Variants in PTPRD observed in about 807,000 individuals in gnomAD.
The protein encoded by PTPRD is receptor-type tyrosine-protein phosphatase delta.
Under a neutral mutation model 214.5 loss-of-function variants are expected in PTPRD, and 34 were observed. That is an observed-to-expected ratio of 0.16 (90% CI 0.12 to 0.21). The LOEUF is 0.21. Ranked by LOEUF, PTPRD falls within the 10% of genes least tolerant of loss-of-function variation. The pLI is 1.00. For synonymous variants in PTPRD, 1,128 were observed against 845.7 expected (o/e 1.33, Z -5.79); for missense variants, 2,545 against 2,398.7 (o/e 1.06, Z -1.27).
rs1462584988 is a variant in PTPRD, at chr9:8,640,967, A to T, written c.65-4123T>A. ...GGCAGCCAGCCAAAGGAAAGATATG[A>T]GGTAGAGAGAAGACTAAACTTAATA... is the stretch of plus-strand genomic sequence containing the variant. On this transcript the variant is annotated intron_variant, in intron 12 of 45. Transcript: ENST00000381196. Among the ~76,000 whole-genome samples, 4 of 148,396 alleles carry T rather than the reference A, an allele frequency of 2.7e-5. 1 individual carries two copies. Among genetic ancestry groups the T allele is most frequent in the African/African-American group, 1.1e-4 (4 of 37,840 alleles).
intron 9 of PTPRD, among the ~76,000 whole-genome samples, chr9:9,315,016 A>C (rs1185529537): frequency 2.6e-5 from 4 of 152,016 alleles, no homozygotes; most frequent in Non-Finnish European, 5.9e-5. Context: ...AATATTTATA[A>C]TACAACTCAC....
intron 5 of PTPRD, among the ~76,000 whole-genome samples, chr9:9,808,814 C>T (rs527798638): frequency 4.5e-4 from 69 of 152,118 alleles, no homozygotes; most frequent in Non-Finnish European, 6.8e-4. Context: ...CTTTGTTTTA[C>T]AGGCTAGAAC....
intron 11 of PTPRD, among the ~76,000 whole-genome samples, chr9:8,977,341 T>C (rs529059525): frequency 6.6e-6 from 1 of 152,216 alleles, no homozygotes; most frequent in African/African-American, 2.4e-5. Flanking sequence ...GCTTCCAAGA[T>C]CTCTTAAAGT....
At chr9:9,699,897 C>T (rs1442429804) in intron 7 of PTPRD, among the ~76,000 whole-genome samples, 1 of 152,104 alleles carries the variant, frequency 6.6e-6, no homozygotes, top group Non-Finnish European at 1.5e-5. Context: ...AATGTTTTTC[C>T]CTTTTTGTGA....
chr9:8,954,726 T>C (rs2099122233), intron 11 of PTPRD, among the ~76,000 whole-genome samples: 1 of 151,836 alleles, frequency 6.6e-6, no homozygotes, highest in South Asian at 2.1e-4. Flanking sequence ...TTGCTTTCTG[T>C]TTTCTTGGGC....
At chr9:8,329,766 G>T (rs892160422) in intron 44 of PTPRD, among the ~76,000 whole-genome samples, 14 of 152,108 alleles carry the variant, frequency 9.2e-5, no homozygotes, top group African/African-American at 3.4e-4. Context: ...AGCTGCAGTG[G>T]ACTCAGCCCT....
intron 12 of PTPRD, among the ~76,000 whole-genome samples, chr9:8,708,178 C>T (rs78847716): frequency 0.02 from 3,019 of 152,090 alleles, 94 homozygotes; most frequent in African/African-American, 0.059. Context: ...GAGAGTATAC[C>T]ATGTCTCAGC....
chr9:9,948,574 G>A (rs1390095588), intron 4 of PTPRD, among the ~76,000 whole-genome samples: 1 of 152,056 alleles, frequency 6.6e-6, no homozygotes, highest in South Asian at 2.1e-4. Flanking sequence ...ACTCTTTAGT[G>A]ATTGGCTTAT....
chr9:9,484,827 G>C (rs1214707001), intron 8 of PTPRD, among the ~76,000 whole-genome samples: 1 of 152,050 alleles, frequency 6.6e-6, no homozygotes, highest in African/African-American at 2.4e-5. Flanking sequence ...CTTCCTATTA[G>C]GTCTCTATAT....
At chr9:8,709,058 A>C (rs1184160677) in intron 12 of PTPRD, among the ~76,000 whole-genome samples, 1 of 152,090 alleles carries the variant, frequency 6.6e-6, no homozygotes, top group Non-Finnish European at 1.5e-5. Context: ...GATTTCATAG[A>C]AGTAGAAAGT....
Position 10,231,987 on chromosome 9 carries a change from A to AGTGTGTGTGTGT in PTPRD, c.-545+108975_-545+108976insACACACACACAC, listed in dbSNP as rs1352673296. Among the ~76,000 whole-genome samples the AGTGTGTGTGTGT allele has an allele frequency of 2.5e-3, 242 of 97,700 alleles. 1 individual carries two copies. The highest frequency in any genetic ancestry group is 2.9e-3 in the Non-Finnish European group (147 of 50,832). The allele number at this position is 97,700 out of a possible 152,430, so 64.1% of individuals were successfully genotyped here. On this transcript the variant is annotated intron_variant, in intron 3 of 45. Transcript: ENST00000381196. ...GAGAGAGAGAGAGAGAGAGAGAGAG[A>AGTGTGTGTGTGT]GAGTGTGTGTGTGTGTGTGTGTGTG...
At chr9:9,142,843 G>C (rs1346387964) in intron 10 of PTPRD, among the ~76,000 whole-genome samples, 1 of 152,058 alleles carries the variant, frequency 6.6e-6, no homozygotes, top group African/African-American at 2.4e-5. Context: ...ATCTGGCTCT[G>C]TGTCCTGGAA....
chr9:10,554,655 A>T (rs1590791145), intron 2 of PTPRD, among the ~76,000 whole-genome samples: 2 of 151,456 alleles, frequency 1.3e-5, no homozygotes, highest in African/African-American at 4.8e-5. Context: ...TCTTTTTTTA[A>T]TTTTTTTTGT....
At chr9:10,263,369 G>A (rs1028516098) in intron 3 of PTPRD, among the ~76,000 whole-genome samples, 9 of 152,114 alleles carry the variant, frequency 5.9e-5, no homozygotes, top group African/African-American at 1.9e-4. Context: ...GGAAAATGTG[G>A]CGAAGTTTGG....
intron 8 of PTPRD, among the ~76,000 whole-genome samples, chr9:9,567,002 A>C (rs559976448): frequency 1.1e-3 from 171 of 152,152 alleles, no homozygotes; most frequent in African/African-American, 3.9e-3. Context: ...CAAAGTGTGG[A>C]AAGTCCATTG....
intron 11 of PTPRD, among the ~76,000 whole-genome samples, chr9:8,954,675 G>C (rs2099121998): frequency 6.6e-6 from 1 of 151,726 alleles, no homozygotes; most frequent in Non-Finnish European, 1.5e-5. Context: ...CAACATATTA[G>C]TTTGTATGCA....
intron 3 of PTPRD, among the ~76,000 whole-genome samples, chr9:10,262,403 T>C (rs749493017): frequency 3.9e-5 from 6 of 152,192 alleles, no homozygotes; most frequent in African/African-American, 7.2e-5. Context: ...GTCATCGGTA[T>C]GTGACAGGGG....
At chr9:9,233,741 G>T (rs1321013811) in intron 9 of PTPRD, among the ~76,000 whole-genome samples, 1 of 152,186 alleles carries the variant, frequency 6.6e-6, no homozygotes, top group Non-Finnish European at 1.5e-5. Flanking sequence ...ATCCAATAGG[G>T]AAGTCATTAA....
intron 2 of PTPRD, among the ~76,000 whole-genome samples, chr9:10,511,984 ATATAC>A: frequency 1.0e-5 from 1 of 100,464 alleles, no homozygotes; most frequent in African/African-American, 3.6e-5. Flanking sequence ...GTGTATATAT[ATATAC>A]GTGTGTGTAT....
Sources: gnomAD v4.1 joint callset for allele counts (sites outside exome capture counted in the v4.1 genomes callset) on GRCh38, gnomAD v4.1.1 for gene constraint, MANE v1.5 for transcripts, NCBI Gene and HGNC (gene_info 2026-07-23, HGNC 2026-07-21) for gene names.